Variants in TOM1L2 observed in about 807,000 individuals in gnomAD.
The protein encoded by TOM1L2 is target of myb1 like 2 membrane trafficking protein.
Under a neutral mutation model 67.9 loss-of-function variants are expected in TOM1L2, and 31 were observed. That is an observed-to-expected ratio of 0.46 (90% CI 0.34 to 0.62). TOM1L2 has a LOEUF of 0.62. TOM1L2 is among the 20% of genes least tolerant of loss of function. The pLI is 0.01. For missense variants in TOM1L2, 606 were observed against 663.5 expected (o/e 0.91, Z 0.95); for synonymous variants, 256 against 254.0 (o/e 1.01, Z -0.07).
chr17:17,915,121 CTA>C, intron 1 of TOM1L2, among the ~76,000 whole-genome samples: 1 of 152,194 alleles, frequency 6.6e-6, no homozygotes, highest in East Asian at 1.9e-4. Flanking sequence ...CAGAGGTCTT[CTA>C]TGTTATTATC....
intron 6 of TOM1L2, among the ~76,000 whole-genome samples, chr17:17,881,879 C>A (rs548998218): frequency 1.3e-5 from 2 of 152,336 alleles, no homozygotes; most frequent in Admixed American, 6.5e-5. Context: ...CATTGCTTGA[C>A]CCCTCTGCTT....
intron 7 of TOM1L2, among the ~76,000 whole-genome samples, chr17:17,878,269 G>A (rs886108246): frequency 2.0e-5 from 3 of 152,256 alleles, no homozygotes; most frequent in African/African-American, 7.2e-5. Flanking sequence ...TGTGTCAGGA[G>A]TGAGGTCTGG....
At chr17:17,872,894 A>G (rs1465233442) in intron 7 of TOM1L2, among the ~76,000 whole-genome samples, 1 of 152,228 alleles carries the variant, frequency 6.6e-6, no homozygotes, top group Non-Finnish European at 1.5e-5. Flanking sequence ...CTTCTCATGC[A>G]AACTGCAGGC....
intron 7 of TOM1L2, among the ~76,000 whole-genome samples, chr17:17,878,045 C>T (rs900360174): frequency 1.3e-5 from 2 of 152,200 alleles, no homozygotes; most frequent in Admixed American, 6.5e-5. Flanking sequence ...GCAGGAATTC[C>T]GACGCTGACA....
chr17:17,877,856 G>C (rs1328547144), intron 7 of TOM1L2, among the ~76,000 whole-genome samples: 1 of 151,446 alleles, frequency 6.6e-6, no homozygotes, highest in Non-Finnish European at 1.5e-5. Flanking sequence ...GGTTCTGTTT[G>C]TCTTGGCTGA....
intron 1 of TOM1L2, among the ~76,000 whole-genome samples, chr17:17,931,261 T>C (rs1759607699): frequency 6.6e-6 from 1 of 152,076 alleles, no homozygotes; most frequent in Non-Finnish European, 1.5e-5. Flanking sequence ...TCCCCAATTC[T>C]CCAATCAAAA....
chr17:17,875,859 T>A (rs2037397488), intron 7 of TOM1L2, among the ~76,000 whole-genome samples: 1 of 152,162 alleles, frequency 6.6e-6, no homozygotes, highest in Non-Finnish European at 1.5e-5. Flanking sequence ...TCTTTGTTGA[T>A]GAGAAAGGGG....
intron 1 of TOM1L2, among the ~76,000 whole-genome samples, chr17:17,952,880 A>G (rs1034636326): frequency 9.2e-5 from 14 of 152,106 alleles, no homozygotes; most frequent in African/African-American, 3.4e-4. Context: ...AAGGCCCCTT[A>G]GCCACCTGAG....
chr17:17,969,192 G>A (rs2041977876), intron 1 of TOM1L2, among the ~76,000 whole-genome samples: 1 of 151,790 alleles, frequency 6.6e-6, no homozygotes, highest in Non-Finnish European at 1.5e-5. Context: ...GAATAGCTGG[G>A]ATTACAGGCG....
In TOM1L2 at chr17:17,843,532, T is replaced by G. The variant is rs1398348593; in HGVS notation, c.*4103A>C. The G allele has an allele frequency of 1.3e-5, 2 of 152,154 alleles. No individual in the cohort carries two copies. The highest frequency in any genetic ancestry group is 2.9e-5 in the Non-Finnish European group (2 of 68,038). The allele number at this position is 152,154 out of a possible 1,614,324, so 9.4% of individuals were successfully genotyped here. On this transcript the variant is annotated 3_prime_UTR_variant, in exon 15 of 15. Coordinates refer to ENST00000379504, the MANE Select transcript of TOM1L2 (RefSeq NM_001082968.2). ...ATAATTTGTTCAATTATTTATTTAT[T>G]GTGGAGTATTTTACATGCAAGAACC...
chr17:17,904,755 G>A (rs1488176133), intron 2 of TOM1L2, among the ~76,000 whole-genome samples: 2 of 152,150 alleles, frequency 1.3e-5, no homozygotes, highest in East Asian at 3.9e-4. Flanking sequence ...ATGTCACCCT[G>A]TCTATCCTAG....
At chr17:17,942,589 A>G (rs1195372757) in intron 1 of TOM1L2, among the ~76,000 whole-genome samples, 1 of 152,154 alleles carries the variant, frequency 6.6e-6, no homozygotes, top group Non-Finnish European at 1.5e-5. Flanking sequence ...ATCTCAAAAC[A>G]ACCCTATGAG....
rs372274309 is a variant in TOM1L2 at position 17,969,160 on chromosome 17, G to A, written c.52+3102C>T. Among the ~76,000 whole-genome samples, 15 of 151,388 alleles carry A rather than the reference G, an allele frequency of 9.9e-5. No homozygotes were observed. The East Asian group carries it at 2.1e-3, about 22-fold the overall frequency. ...CAACCTCTGCCTCCCAGGTTCAAGC[G>A]ATTCTCCTGTCTCAGCCTCCTGAAT... On this transcript the variant is annotated intron_variant, in intron 1 of 14. Coordinates refer to ENST00000379504, the MANE Select transcript of TOM1L2 (RefSeq NM_001082968.2).
intron 12 of TOM1L2, among the ~76,000 whole-genome samples, chr17:17,851,471 G>A (rs540107304): frequency 4.6e-5 from 7 of 152,200 alleles, no homozygotes; most frequent in Non-Finnish European, 8.8e-5. Context: ...TGTTTGCTCC[G>A]CTGAAGAGAT....
intron 12 of TOM1L2, chr17:17,858,208 C>G (rs887708023): frequency 6.8e-6 from 1 of 146,634 alleles, no homozygotes; most frequent in African/African-American, 3.3e-5. Context: ...AGCAATTCTA[C>G]TTTTTTCTTT....
rs149068874 is a variant in TOM1L2 at position 17,910,723 on chromosome 17, C to T, written c.53-3192G>A. Among the ~76,000 whole-genome samples the T allele has an allele frequency of 2.5e-3, 386 of 152,218 alleles. 4 individuals are homozygous for T. Among genetic ancestry groups the T allele is most frequent in the African/African-American group, 8.9e-3 (368 of 41,522 alleles). ...TAGCTGGGATTACAGGCACGTGCCA[C>T]CATGCCTGGCTAATTTTTGTATTTG... On this transcript the variant is annotated intron_variant, in intron 1 of 14. Coordinates refer to ENST00000379504, the MANE Select transcript of TOM1L2 (RefSeq NM_001082968.2).
intron 1 of TOM1L2, among the ~76,000 whole-genome samples, chr17:17,951,682 A>G (rs2041212966): frequency 6.6e-6 from 1 of 152,236 alleles, no homozygotes; most frequent in Admixed American, 6.5e-5. Flanking sequence ...CCAAGGATGC[A>G]GGAGGAACGA....
At position 17,869,375 on chromosome 17, in the gene TOM1L2, G is replaced by C; in HGVS notation, c.876C>G (p.Asn292Lys). The C allele has an allele frequency of 6.2e-7, 1 of 1,612,556 alleles. No homozygotes were observed. The change falls in exon 8 of 15, where the codon AAC (asparagine) becomes AAG (lysine). Residue 292 changes from asparagine to lysine, a missense_variant. By Grantham distance (94) the Asn-to-Lys change is moderately conservative (BLOSUM62 0). Transcript: ENST00000379504. ...EEVTEELLHV[N>K]DDLNNVFLRY... is the part of the protein sequence containing the mutation. ...GAAGGAAGACGTTGTTGAGGTCATC[G>C]TTCACATGCAGCAGCTCCTCGGTGA...
intron 4 of TOM1L2, among the ~76,000 whole-genome samples, chr17:17,891,647 G>A (rs1221397923): frequency 6.6e-6 from 1 of 152,202 alleles, no homozygotes; most frequent in Non-Finnish European, 1.5e-5. Context: ...CTCTACCACA[G>A]GACATGCTTT....
Sources: allele counts gnomAD v4.1 joint callset (sites outside exome capture counted in the v4.1 genomes callset), GRCh38; gene constraint gnomAD v4.1.1; transcripts MANE v1.5; gene names NCBI Gene and HGNC (gene_info 2026-07-23, HGNC 2026-07-21).